Variants in CENPP observed in about 807,000 individuals in gnomAD.
The protein encoded by CENPP is centromere protein P.
Under a neutral mutation model 35.6 loss-of-function variants are expected in CENPP, and 24 were observed. That is an observed-to-expected ratio of 0.67 (90% CI 0.49 to 0.95). The LOEUF is 0.95. Among genes scored for constraint, CENPP ranks in the 40% least tolerant of loss-of-function variants. The pLI is 0.00. For missense variants in CENPP, 332 were observed against 345.3 expected (o/e 0.96, Z 0.31); for synonymous variants, 120 against 125.5 (o/e 0.96, Z 0.29).
At chr9:92,494,283 T>C (rs748139816) in intron 5 of CENPP, 4 of 724,542 alleles carry the variant, frequency 5.5e-6, no homozygotes, top group Non-Finnish European at 8.7e-6. Flanking sequence ...GTTTACAGCT[T>C]AGATTGCCTT....
intron 4 of CENPP, among the ~76,000 whole-genome samples, chr9:92,370,304 T>C (rs1463615760): frequency 6.6e-6 from 1 of 152,128 alleles, no homozygotes; most frequent in East Asian, 1.9e-4. Context: ...CCTTAACTTG[T>C]TTTAGTATCA....
At chr9:92,580,602 A>G (rs1253891757) in intron 5 of CENPP, among the ~76,000 whole-genome samples, 1 of 152,222 alleles carries the variant, frequency 6.6e-6, no homozygotes, top group Non-Finnish European at 1.5e-5. Flanking sequence ...AGGTGTTTGC[A>G]GTATTCTCTG....
intron 5 of CENPP, among the ~76,000 whole-genome samples, chr9:92,539,789 A>C (rs772795381): frequency 6.6e-6 from 1 of 152,198 alleles, no homozygotes; most frequent in Non-Finnish European, 1.5e-5. Flanking sequence ...TCCCAATGGA[A>C]TATTACATTT....
chr9:92,509,209 G>A (rs1847190263), intron 5 of CENPP, among the ~76,000 whole-genome samples: 1 of 152,030 alleles, frequency 6.6e-6, no homozygotes, highest in South Asian at 2.1e-4. Context: ...CACATGCCGT[G>A]GGGTGTGGAG....
At chr9:92,362,787 A>G (rs1841790416) in intron 4 of CENPP, among the ~76,000 whole-genome samples, 1 of 152,172 alleles carries the variant, frequency 6.6e-6, no homozygotes, top group African/African-American at 2.4e-5. Context: ...CACATTTCTC[A>G]GTAGGCATTT....
At chr9:92,538,858 C>T (rs928104765) in intron 5 of CENPP, among the ~76,000 whole-genome samples, 4 of 152,208 alleles carry the variant, frequency 2.6e-5, no homozygotes, top group African/African-American at 9.7e-5. Context: ...AAGATTTAGA[C>T]TCTAGGACAT....
At chr9:92,339,857 A>ATGT (rs1841054062) in intron 3 of CENPP, 1 of 153,694 alleles carries the variant, frequency 6.5e-6, no homozygotes, top group South Asian at 2.1e-4. Flanking sequence ...GGACTCCTGG[A>ATGT]TGTTGTCCCT....
intron 5 of CENPP, chr9:92,466,418 T>C (rs41278697): frequency 1.2e-5 from 19 of 1,611,054 alleles, no homozygotes; most frequent in Non-Finnish European, 1.5e-5. Flanking sequence ...TTAACTTTAT[T>C]TTCATGAATT....
At chr9:92,508,401 C>T (rs1847137228) in intron 5 of CENPP, among the ~76,000 whole-genome samples, 1 of 152,184 alleles carries the variant, frequency 6.6e-6, no homozygotes, top group African/African-American at 2.4e-5. Flanking sequence ...AATCTAGAAG[C>T]ATTTGTGAGT....
At chr9:92,408,318 T>G (rs1160999707) in intron 5 of CENPP, among the ~76,000 whole-genome samples, 1 of 152,204 alleles carries the variant, frequency 6.6e-6, no homozygotes, top group Non-Finnish European at 1.5e-5. Context: ...CCTGAGTAGC[T>G]GGGACTACAG....
At chr9:92,600,371 G>A (rs1186427575) in intron 5 of CENPP, 1 of 1,574,814 alleles carries the variant, frequency 6.3e-7, no homozygotes, top group Non-Finnish European at 8.6e-7. Context: ...ATGCCATTGG[G>A]ATATATTTCC....
At chr9:92,399,532 G>A (rs751347396) in intron 5 of CENPP, among the ~76,000 whole-genome samples, 3 of 151,810 alleles carry the variant, frequency 2.0e-5, no homozygotes, top group East Asian at 1.9e-4. Flanking sequence ...AGTTGCCTTC[G>A]ACTTTACCAC....
At chr9:92,451,565 G>C (rs2131022467) in intron 5 of CENPP, among the ~76,000 whole-genome samples, 1 of 152,316 alleles carries the variant, frequency 6.6e-6, no homozygotes, top group Non-Finnish European at 1.5e-5. Flanking sequence ...GCTTGGGATT[G>C]ACTTGGCGAT....
At chr9:92,480,280 T>C (rs1312981851) in intron 5 of CENPP, among the ~76,000 whole-genome samples, 1 of 152,208 alleles carries the variant, frequency 6.6e-6, no homozygotes, top group Non-Finnish European at 1.5e-5. Flanking sequence ...TAATAAATCA[T>C]AGTAGCCTAG....
At chr9:92,515,596 T>C (rs1847653279) in intron 5 of CENPP, among the ~76,000 whole-genome samples, 1 of 152,228 alleles carries the variant, frequency 6.6e-6, no homozygotes, top group Admixed American at 6.5e-5. Flanking sequence ...TTCTGTTCAC[T>C]GGGGCTATTG....
At chr9:92,332,470 T>G (rs998263137) in intron 2 of CENPP, 119 bp downstream of exon 2, 10 of 730,092 alleles carry the variant, frequency 1.4e-5, no homozygotes, top group African/African-American at 1.3e-4. Context: ...AGTATGGTTG[T>G]GGTAAACTTG....
At chr9:92,338,867 G>A (rs539465197) in intron 3 of CENPP, among the ~76,000 whole-genome samples, 1 of 152,202 alleles carries the variant, frequency 6.6e-6, no homozygotes, top group South Asian at 2.1e-4. Flanking sequence ...CACAACAGAG[G>A]GAGGAAGACC....
chr9:92,352,360 A>G (rs72752405), intron 4 of CENPP, among the ~76,000 whole-genome samples: 4,597 of 149,848 alleles, frequency 0.031, 110 homozygotes, highest in South Asian at 0.079. Flanking sequence ...AGAGCAAGAC[A>G]TCATCTGAAA....
intron 2 of CENPP, 126 bp downstream of exon 2, chr9:92,332,477 C>G (rs1840781945): frequency 5.9e-6 from 4 of 682,190 alleles, no homozygotes; most frequent in Non-Finnish European, 9.1e-6. Context: ...TTGTGGTAAA[C>G]TTGTTTACTC....
Sources: allele counts gnomAD v4.1 joint callset (sites outside exome capture counted in the v4.1 genomes callset), GRCh38; gene constraint gnomAD v4.1.1; transcripts MANE v1.5; gene names NCBI Gene and HGNC (gene_info 2026-07-23, HGNC 2026-07-21).